The following THEM4 variants were observed in gnomAD, a reference collection of about 807,000 sequenced individuals.
THEM4 encodes acyl-coenzyme A thioesterase THEM4.
THEM4 carries 22 observed loss-of-function variants against 25.0 expected under a neutral mutation model. That is an observed-to-expected ratio of 0.88 (90% confidence interval 0.63 to 1.26). THEM4 has a LOEUF of 1.26. THEM4 is among the 50% of genes most tolerant of loss of function. The probability of loss-of-function intolerance (pLI) is 0.00; values close to 1 mark genes in which losing one functional copy is unlikely to be tolerated. For missense variants in THEM4, 286 were observed against 300.3 expected, an observed-to-expected ratio of 0.95 and a Z score of 0.35; for synonymous variants, 113 against 105.6, an observed-to-expected ratio of 1.07 and a Z score of -0.43.
intron 2 of THEM4, among the ~76,000 whole-genome samples, chr1:151,893,343 G>A (rs1390805537): frequency 7.1e-6 from 1 of 141,156 alleles, no homozygotes; most frequent in Non-Finnish European, 1.5e-5. Flanking sequence ...CTGCATTCCA[G>A]CCTGAGTGAC....
chr1:151,882,723 T>C (rs1653872451), intron 4 of THEM4, among the ~76,000 whole-genome samples: 2 of 152,194 alleles, frequency 1.3e-5, no homozygotes, highest in Admixed American at 6.6e-5. Flanking sequence ...TTAGTGTTTT[T>C]AGTAATACAA....
At chr1:151,896,054 G>A (rs998844859) in intron 1 of THEM4, among the ~76,000 whole-genome samples, 6 of 147,024 alleles carry the variant, frequency 4.1e-5, no homozygotes, top group Non-Finnish European at 7.4e-5. Context: ...GTGCAGTGGC[G>A]CAATCTTGGC....
intron 1 of THEM4, among the ~76,000 whole-genome samples, chr1:151,906,538 T>C (rs1654472738): frequency 6.6e-6 from 1 of 152,244 alleles, no homozygotes; most frequent in Admixed American, 6.5e-5. Flanking sequence ...AGCGTGGGAC[T>C]GGCAGGCAGT....
intron 5 of THEM4, among the ~76,000 whole-genome samples, chr1:151,875,877 C>T (rs1396275934): frequency 6.6e-6 from 1 of 152,178 alleles, no homozygotes; most frequent in Non-Finnish European, 1.5e-5. Context: ...AAGCTGAATA[C>T]TCACAATACT....
chr1:151,906,031 G>A (rs1305152156), intron 1 of THEM4, among the ~76,000 whole-genome samples: 3 of 152,236 alleles, frequency 2.0e-5, no homozygotes, highest in African/African-American at 7.2e-5. Flanking sequence ...CTCCCACTTT[G>A]GCGGCACTTC....
rs746157619 is a variant in THEM4, at chr1:151,895,106, T to C, written c.188A>G (p.Gln63Arg). ...WNKDLRLLFD[Q>R]FMKKCEDGSW... ...GCCGTCTTCACATTTCTTCATAAAC[T>C]GGTCAAAGAGCAGTCTTAGGTCCTT... Residue 63 changes from glutamine (Q) to arginine (R), a missense_variant, in exon 2 of 6, where the codon CAG becomes CGG. Gln to Arg is a conservative substitution (Grantham distance 43). Coordinates refer to ENST00000368814, the MANE Select transcript of THEM4 (RefSeq NM_053055.5). 2.5e-6 allele frequency: 4 copies of C among 1,614,006 alleles called. No individual in the cohort carries two copies. The highest frequency in any genetic ancestry group is 2.2e-5 in the East Asian group (1 of 44,886).
intron 1 of THEM4, among the ~76,000 whole-genome samples, chr1:151,906,227 G>A (rs1056539699): frequency 1.3e-5 from 2 of 152,232 alleles, no homozygotes; most frequent in African/African-American, 2.4e-5. Context: ...CCCTGCACTC[G>A]GAGCAGCCAG....
intron 2 of THEM4, among the ~76,000 whole-genome samples, chr1:151,893,631 G>C (rs551183928): frequency 4.6e-5 from 7 of 151,280 alleles, no homozygotes; most frequent in South Asian, 4.2e-4. Flanking sequence ...ACAGATGCAG[G>C]GGGGAGGATA....
In THEM4 at chr1:151,874,311, A is replaced by G. The variant is rs974258726; in HGVS notation, c.*577T>C. 1 of 151,652 alleles carries G rather than the reference A, an allele frequency of 6.6e-6. No homozygotes were observed. The highest frequency in any genetic ancestry group is 1.5e-5 in the Non-Finnish European group (1 of 68,144). The allele number at this position is 151,652 out of a possible 1,614,324, so 9.4% of individuals were successfully genotyped here. A position where few individuals can be genotyped will look rare whatever the true frequency, so the allele number is the denominator to read the frequency against. On this transcript the variant is annotated 3_prime_UTR_variant, in exon 6 of 6. Transcript: ENST00000368814. ...GTTTGCAGTAAAAGGTTCAATACACATTTATTTCTCTAGTCTGCAGTGGAG... is the reference window on the plus strand; with the variant it reads ...GTTTGCAGTAAAAGGTTCAATACACGTTTATTTCTCTAGTCTGCAGTGGAG...
intron 4 of THEM4, among the ~76,000 whole-genome samples, chr1:151,878,323 G>A (rs1164440631): frequency 2.0e-5 from 3 of 152,172 alleles, no homozygotes; most frequent in Non-Finnish European, 2.9e-5. Flanking sequence ...TTGTGGGGGT[G>A]GGCACAGGCT....
intron 4 of THEM4, among the ~76,000 whole-genome samples, chr1:151,885,083 TTTTATTTATTTATTTATTTATTTATTTA>T (rs146473655): frequency 8.9e-5 from 13 of 145,624 alleles, no homozygotes; most frequent in Admixed American, 4.8e-4. Context: ...TGATTTCATC[TTTTATTTATTTATTTATTTATTTATTTA>T]TTTATTTATT....
At chr1:151,900,129 C>T (rs996799419) in intron 1 of THEM4, among the ~76,000 whole-genome samples, 2 of 152,118 alleles carry the variant, frequency 1.3e-5, no homozygotes, top group African/African-American at 4.8e-5. Context: ...CATTATCAAG[C>T]CACCATTACA....
chr1:151,882,789 T>C (rs1349513352), intron 4 of THEM4, among the ~76,000 whole-genome samples: 1 of 152,156 alleles, frequency 6.6e-6, no homozygotes, highest in Non-Finnish European at 1.5e-5. Flanking sequence ...TGATTAAATT[T>C]CAATGGAAGG....
chr1:151,904,600 T>C (rs1654416977), intron 1 of THEM4, among the ~76,000 whole-genome samples: 1 of 152,148 alleles, frequency 6.6e-6, no homozygotes. Flanking sequence ...TGAATTAAAA[T>C]GGTGAAATGC....
At chr1:151,897,895 C>T (rs891067369) in intron 1 of THEM4, among the ~76,000 whole-genome samples, 2 of 67,662 alleles carry the variant, frequency 3.0e-5, no homozygotes, top group Non-Finnish European at 5.9e-5. Flanking sequence ...GAGAGCTAAG[C>T]TGAGCGAAAT....
chr1:151,889,269 C>G lies in THEM4; in HGVS notation c.391G>C (p.Glu131Gln). 1 of 1,613,950 alleles carries G rather than the reference C, an allele frequency of 6.2e-7. No individual in the cohort carries two copies. Among genetic ancestry groups the G allele is most frequent in the Middle Eastern group, 1.7e-4 (1 of 5,950 alleles). The change falls in exon 3 of 6, where the codon GAG becomes CAG. Residue 131 changes from glutamate to glutamine, a missense_variant. Transcript: ENST00000368814. ...TGAAATAAGCAAACCATCCTTTTCT[C>G]AATGTCATTGTAGAACATCACGTAT... is the stretch of plus-strand genomic sequence containing the variant. ...FEYVMFYNDI[E>Q]KRMVCLFQGG...
chr1:151,896,506 G>T (rs918380160), intron 1 of THEM4, among the ~76,000 whole-genome samples: 1 of 152,196 alleles, frequency 6.6e-6, no homozygotes, highest in Non-Finnish European at 1.5e-5. Context: ...ATCATATGAA[G>T]TAGGTACTAT....
rs145882481 is a variant in THEM4 at position 151,871,676 on chromosome 1, A to C, written c.*3212T>G. ...TGCAGCATCTAACCTGGATGTGAGCAAACCAGTGTAAGAAATGAAACTGTA... is the reference window on the plus strand; with the variant it reads ...TGCAGCATCTAACCTGGATGTGAGCCAACCAGTGTAAGAAATGAAACTGTA... On this transcript the variant is annotated 3_prime_UTR_variant, in exon 6 of 6. Transcript: ENST00000368814. Among the ~76,000 whole-genome samples the C allele has an allele frequency of 3.5e-3, 529 of 152,296 alleles. 2 individuals carry two copies. The highest frequency in any genetic ancestry group is 7.5e-3 in the South Asian group (36 of 4,830).
intron 1 of THEM4, among the ~76,000 whole-genome samples, chr1:151,898,209 T>G (rs1031986756): frequency 1.3e-5 from 2 of 151,812 alleles, no homozygotes; most frequent in African/African-American, 4.8e-5. Flanking sequence ...CAAGCCCGTC[T>G]TGCCCTCCAC....
Sources: allele counts gnomAD v4.1 joint callset (sites outside exome capture counted in the v4.1 genomes callset), GRCh38; gene constraint gnomAD v4.1.1; transcripts MANE v1.5; gene names NCBI Gene and HGNC (gene_info 2026-07-23, HGNC 2026-07-21).